FAAH: variants seen among roughly 807,000 people sequenced by gnomAD.
FAAH encodes fatty acid amide hydrolase, also known as fatty-acid amide hydrolase 1.
A neutral mutation model predicts 69.7 loss-of-function variants in FAAH; 63 were observed. The ratio of observed to expected loss-of-function variants is 0.90; its 90% CI spans 0.74 to 1.12. The LOEUF (loss-of-function observed/expected upper bound fraction) is 1.12, where lower values mean the gene tolerates loss of function less well. Ranked by LOEUF, FAAH falls within the 50% of genes most tolerant of loss-of-function variation. The pLI, the probability that FAAH is intolerant of heterozygous loss-of-function variation, is 0.00. For missense variants in FAAH, 680 were observed against 755.0 expected (o/e 0.90, Z 1.16); for synonymous variants, 305 against 324.2 (o/e 0.94, Z 0.64).
intron 9 of FAAH, among the ~76,000 whole-genome samples, chr1:46,409,543 T>C (rs1454122467): frequency 6.6e-6 from 1 of 152,130 alleles, no homozygotes; most frequent in Admixed American, 6.6e-5. Context: ...CTTGATGCTG[T>C]GACTCCAGGC....
At chr1:46,398,428 A>C (rs1170467189) in intron 1 of FAAH, among the ~76,000 whole-genome samples, 1 of 152,180 alleles carries the variant, frequency 6.6e-6, no homozygotes, top group Non-Finnish European at 1.5e-5. Flanking sequence ...CTGAATCACA[A>C]GGGGGCACCT....
intron 1 of FAAH, among the ~76,000 whole-genome samples, chr1:46,398,609 C>T (rs1198613795): frequency 6.6e-6 from 1 of 151,426 alleles, no homozygotes; most frequent in African/African-American, 2.4e-5. Flanking sequence ...TCTTGGCTCA[C>T]TGCAACCTCC....
Position 46,411,971 on chromosome 1 carries a change from C to T in FAAH, c.1357-172C>T, listed in dbSNP as rs1664923826. On this transcript the variant is annotated intron_variant, in intron 12 of 14. Transcript: ENST00000243167. The surrounding 1 kb of genome is among the most constrained non-coding windows in gnomAD (Gnocchi z 4.8). ...CATTCTGGAGGCAGAACGACTGATGCCCTCTGAGAGGCAGCACTGCCTGCC... is the reference window on the plus strand; with the variant it reads ...CATTCTGGAGGCAGAACGACTGATGTCCTCTGAGAGGCAGCACTGCCTGCC... Among the ~76,000 whole-genome samples the T allele has an allele frequency of 6.6e-6, 1 of 152,256 alleles. No homozygotes were observed. The highest frequency in any genetic ancestry group is 2.4e-5 in the African/African-American group (1 of 41,474).
intron 7 of FAAH, among the ~76,000 whole-genome samples, chr1:46,407,812 C>T (rs558942762): frequency 6.6e-5 from 10 of 152,330 alleles, no homozygotes; most frequent in Non-Finnish European, 8.8e-5. Context: ...ACGTAAGCCC[C>T]GTTTCTCAGC....
chr1:46,412,766 A>G (rs981834492), intron 13 of FAAH, among the ~76,000 whole-genome samples: 13 of 152,222 alleles, frequency 8.5e-5, no homozygotes, highest in African/African-American at 3.1e-4. Context: ...AGTTATGATC[A>G]CACCACTGCA....
intron 1 of FAAH, among the ~76,000 whole-genome samples, chr1:46,399,875 A>G (rs1664665831): frequency 6.6e-6 from 1 of 152,196 alleles, no homozygotes; most frequent in African/African-American, 2.4e-5. Flanking sequence ...GTAAGAGTAC[A>G]CCAGAAACTG....
Position 46,413,669 on chromosome 1 carries a change from T to G in FAAH, c.*94T>G. ...CTGCTGCCACAGCAAGGAAATGTCC[T>G]GCATGGGGCAGAGGCTTCCGTGTCC... On this transcript the variant is annotated 3_prime_UTR_variant, in exon 15 of 15. Coordinates refer to ENST00000243167, the MANE Select transcript of FAAH (RefSeq NM_001441.3). 4 of 1,582,300 alleles carry G rather than the reference T, an allele frequency of 2.5e-6. No individual in the cohort carries two copies. Among genetic ancestry groups the G allele is most frequent in the Non-Finnish European group, 3.5e-6 (4 of 1,156,364 alleles).
In FAAH at chr1:46,413,504, C is replaced by T. The variant is rs201429078; in HGVS notation, c.1669C>T (p.Gln557Ter). Residue 557 changes from glutamine to a stop codon, truncating the protein, a stop_gained, in exon 15 of 15, where the codon CAA (glutamine) becomes TAA (stop). Transcript: ENST00000243167. LOFTEE classifies it high-confidence loss of function. ...CGTGCAGTGTGTGGCTCTGCCCTGG[C>T]AAGAAGAGTTGTGTCTGCGGTTCAT... Reference protein sequence around the residue: ...VAVQCVALPWQEELCLRFMRE... With the variant: ...VAVQCVALPW 1.2e-6 allele frequency: 2 copies of T among 1,614,096 alleles called. No individual in the cohort carries two copies. Among genetic ancestry groups the T allele is most frequent in the African/African-American group, 2.7e-5 (2 of 74,998 alleles).
rs1008709251 is a variant in FAAH, at chr1:46,404,005, G to A, written c.310-1009G>A. ...CCTGCATGATTTCTTGAAAGGGTGT[G>A]GGACAGTGAGTGTGACCCCTAGGCA... On this transcript the variant is annotated intron_variant, in intron 2 of 14. Transcript: ENST00000243167. The surrounding 1 kb of genome is among the most constrained non-coding windows in gnomAD (Gnocchi z 4.5). Among the ~76,000 whole-genome samples the A allele has an allele frequency of 1.3e-5, 2 of 152,212 alleles. No individual in the cohort carries two copies. The highest frequency in any genetic ancestry group is 4.1e-4 in the South Asian group (2 of 4,830).
rs113879755 is a variant in FAAH at position 46,401,300 on chromosome 1, C to G, written c.196-791C>G. The stretch of plus-strand genomic sequence containing the variant: ...CTCCCCACATCTGGCATCTTCTTAT[C>G]CTTCAAATCACAGCTGAAATGTGGT... On this transcript the variant is annotated intron_variant, in intron 1 of 14. Transcript: ENST00000243167. 4.2e-3 allele frequency among the ~76,000 whole-genome samples: 635 copies of G among 152,102 alleles called. 8 individuals carry two copies. Among genetic ancestry groups the G allele is most frequent in the African/African-American group, 0.015 (618 of 41,464 alleles).
Position 46,405,871 on chromosome 1 carries a change from G to A in FAAH, c.785+77G>A, listed in dbSNP as rs1664784908. The A allele has an allele frequency of 3.1e-6, 5 of 1,605,684 alleles. No individual in the cohort carries two copies. Among genetic ancestry groups the A allele is most frequent in the Non-Finnish European group, 4.2e-6 (5 of 1,176,540 alleles). ...AGCTTCCAACCTCTCTGGGCTCCAG[G>A]CGGGGATTCGGTCTCCGGGGTTTTG... is the stretch of plus-strand genomic sequence containing the variant. On this transcript the variant is annotated intron_variant, in intron 5 of 14. Transcript: ENST00000243167. The surrounding 1 kb of genome is among the most constrained non-coding windows in gnomAD (Gnocchi z 4.1).
At chr1:46,409,336 C>A in intron 9 of FAAH, 138 bp downstream of exon 9, 1 of 727,224 alleles carries the variant, frequency 1.4e-6, no homozygotes, top group Non-Finnish European at 2.5e-6. Flanking sequence ...AGGGACCTCG[C>A]TGTCCCTCCA....
rs1196119684 is a variant in FAAH, at chr1:46,404,635, G to C, written c.310-379G>C. 6.6e-6 allele frequency among the ~76,000 whole-genome samples: 1 copy of C among 152,230 alleles called. No homozygotes were observed. Among genetic ancestry groups the C allele is most frequent in the Admixed American group, 6.5e-5 (1 of 15,290 alleles). ...TGACCAGTGATGGGGCGCTGCCCCT[G>C]TCTGGTTTCTGTCTGCCTCACTGGC... On this transcript the variant is annotated intron_variant, in intron 2 of 14. Coordinates refer to ENST00000243167, the MANE Select transcript of FAAH (RefSeq NM_001441.3). This position sits in a 1 kb window ranked among gnomAD's most constrained non-coding sequence, Gnocchi z 4.5.
In FAAH at chr1:46,413,173, C is replaced by G. The variant is rs199989427; in HGVS notation, c.1564C>G (p.His522Asp). Reference sequence around the variant, plus strand: ...TGCTGAGGACGAGGCCCAGATGGAACATTACAGGGGCTACTTTGGGGATAT... The same window carrying G: ...TGCTGAGGACGAGGCCCAGATGGAAGATTACAGGGGCTACTTTGGGGATAT... ...VTAEDEAQMEHYRGYFGDIWD... is the reference protein window; with the variant it reads ...VTAEDEAQMEDYRGYFGDIWD... The change falls in exon 14 of 15, where the codon CAT (histidine) becomes GAT (aspartate). Residue 522 changes from histidine to aspartate, a missense_variant. His to Asp is a moderately conservative substitution (Grantham distance 81, BLOSUM62 -1). Coordinates refer to ENST00000243167, the MANE Select transcript of FAAH (RefSeq NM_001441.3). 13 of 1,614,056 alleles carry G rather than the reference C, an allele frequency of 8.1e-6. No individual in the cohort carries two copies. The highest frequency in any genetic ancestry group is 1.7e-5 in the Admixed American group (1 of 59,996).
chr1:46,402,382 A>T (rs1355655856), intron 2 of FAAH, among the ~76,000 whole-genome samples, 178 bp downstream of exon 2: 1 of 152,260 alleles, frequency 6.6e-6, no homozygotes, highest in Non-Finnish European at 1.5e-5. Flanking sequence ...GGAAGGAGCC[A>T]GAGCGTGTGC....
chr1:46,412,147 A>T lies in FAAH; in HGVS notation c.1361A>T (p.Tyr454Phe), dbSNP rs1377452072. 3 of 1,558,208 alleles carry T rather than the reference A, an allele frequency of 1.9e-6. No homozygotes were observed. In the African/African-American group the frequency reaches 4.1e-5, roughly 21 times the overall value. The change falls in exon 13 of 15, where the codon TAC (tyrosine) becomes TTC (phenylalanine). Residue 454 changes from tyrosine (Y) to phenylalanine (F), a missense_variant. Coordinates refer to ENST00000243167, the MANE Select transcript of FAAH (RefSeq NM_001441.3). ...GGTGTGTTGTGTCCTCCGCAGGTGT[A>T]CCGCAAAACCGTGATTGCCCAGTGG... ...LWELQHEIEV[Y>F]RKTVIAQWRA...
chr1:46,408,252 A>C (rs561959140), intron 7 of FAAH, among the ~76,000 whole-genome samples: 5 of 152,306 alleles, frequency 3.3e-5, no homozygotes, highest in Admixed American at 6.5e-5. Context: ...GTTTCCTCAT[A>C]TGACCAGTAG....
intron 1 of FAAH, among the ~76,000 whole-genome samples, chr1:46,397,932 C>CTTTTTT (rs1047486835): frequency 8.5e-6 from 1 of 118,030 alleles, no homozygotes; most frequent in African/African-American, 3.3e-5. Context: ...GTCTTGAACT[C>CTTTTTT]TTTTTTTTTT....
chr1:46,408,973 TG>T, intron 8 of FAAH, 127 bp from the exon 9 acceptor site: 1 of 779,178 alleles, frequency 1.3e-6, no homozygotes, highest in East Asian at 2.6e-5. Flanking sequence ...AGGCTGCCTT[TG>T]TAGCTCTAGT....
Sources: gnomAD v4.1 joint callset for allele counts (sites outside exome capture counted in the v4.1 genomes callset) on GRCh38, gnomAD v4.1.1 for gene constraint, Gnocchi (gnomAD v3.1) non-coding constraint, MANE v1.5 for transcripts, NCBI Gene and HGNC (gene_info 2026-07-23, HGNC 2026-07-21) for gene names.